The following CSMD1 variants were observed in gnomAD, a reference collection of about 807,000 sequenced individuals.
CSMD1 encodes CUB and Sushi multiple domains 1.
In CSMD1, 213 loss-of-function variants were observed where a neutral mutation model predicts 417.5. That is an observed-to-expected ratio of 0.51 (90% confidence interval 0.46 to 0.57). The LOEUF (loss-of-function observed/expected upper bound fraction) is 0.57, where lower values mean the gene tolerates loss of function less well. Among genes scored for constraint, CSMD1 ranks in the 20% least tolerant of loss-of-function variants. CSMD1 has a pLI of 0.00. For missense variants in CSMD1, 6,923 were observed against 4,529.7 expected (o/e 1.53, Z -15.17); for synonymous variants, 2,862 against 1,736.8 (o/e 1.65, Z -16.11).
intron 7 of CSMD1, among the ~76,000 whole-genome samples, chr8:3,688,579 A>C (rs927341901): frequency 6.6e-6 from 1 of 152,228 alleles, no homozygotes; most frequent in Non-Finnish European, 1.5e-5. Context: ...AGCAATGCTC[A>C]TAATTATTAT....
intron 65 of CSMD1, among the ~76,000 whole-genome samples, chr8:2,953,594 T>A (rs1802792439): frequency 6.6e-6 from 1 of 152,200 alleles, no homozygotes. Context: ...GGATACATTT[T>A]GTTATTTAAA....
Position 4,994,761 on chromosome 8 carries a change from G to C in CSMD1, c.-345C>G. The C allele has an allele frequency of 3.9e-6, 1 of 259,468 alleles. No homozygotes were observed. Among genetic ancestry groups the C allele is most frequent in the Non-Finnish European group, 7.3e-6 (1 of 136,838 alleles). 16.1% of individuals were successfully genotyped at this position (259,468 alleles called of 1,614,324 possible). On this transcript the variant is annotated 5_prime_UTR_variant, in exon 1 of 70. Transcript: ENST00000635120. ...CGGGGAGAGGAGCGCGCGCAGCCAG[G>C]AGAGACCTGGAGAGGAGGCAGCTGG...
chr8:3,870,403 T>C (rs527694413), intron 5 of CSMD1, among the ~76,000 whole-genome samples: 13 of 152,314 alleles, frequency 8.5e-5, no homozygotes, highest in South Asian at 2.1e-4. Context: ...GCTATGCACA[T>C]AGCACTCCAT....
intron 2 of CSMD1, among the ~76,000 whole-genome samples, chr8:4,556,866 T>G (rs376296459): frequency 6.6e-6 from 1 of 152,222 alleles, no homozygotes; most frequent in Non-Finnish European, 1.5e-5. Context: ...ATACGTATAA[T>G]GCAATGATTC....
chr8:3,300,654 A>G (rs1804320562), intron 25 of CSMD1, among the ~76,000 whole-genome samples: 2 of 152,128 alleles, frequency 1.3e-5, no homozygotes, highest in African/African-American at 4.8e-5. Flanking sequence ...ATCATTATGT[A>G]CAACATGAAA....
chr8:3,994,946 T>C (rs1337004230), intron 5 of CSMD1, among the ~76,000 whole-genome samples: 2 of 152,120 alleles, frequency 1.3e-5, no homozygotes, highest in African/African-American at 4.8e-5. Context: ...CTCACTCCAC[T>C]CACAGTCACT....
chr8:3,236,544 G>C (rs1290739753), intron 26 of CSMD1, among the ~76,000 whole-genome samples: 2 of 152,130 alleles, frequency 1.3e-5, no homozygotes, highest in Non-Finnish European at 2.9e-5. Flanking sequence ...ATGCAAAGAT[G>C]TTTTCTGTTA....
intron 7 of CSMD1, among the ~76,000 whole-genome samples, chr8:3,621,276 C>T (rs79338248): frequency 8.5e-5 from 13 of 152,090 alleles, no homozygotes; most frequent in African/African-American, 3.1e-4. Context: ...CATAGGTTGG[C>T]AGGAGGCGTT....
At position 3,370,672 on chromosome 8, in the gene CSMD1, C is replaced by T. The variant is rs553349039; in HGVS notation, c.2783-1302G>A. Among the ~76,000 whole-genome samples, 21 of 152,196 alleles carry T rather than the reference C, an allele frequency of 1.4e-4. No individual in the cohort carries two copies. The South Asian group carries it at 2.5e-3, about 18-fold the overall frequency. On this transcript the variant is annotated intron_variant, in intron 18 of 69. Transcript: ENST00000635120. ...CATTCAATCTGCTGAGGGCTGGAAC[C>T]GAATAAAAAGGCAGAGAAAAGGCTG...
chr8:4,231,074 G>A (rs1281750790), intron 3 of CSMD1, among the ~76,000 whole-genome samples: 1 of 152,102 alleles, frequency 6.6e-6, no homozygotes, highest in African/African-American at 2.4e-5. Context: ...GTTTTTACAA[G>A]GGTTATCCTA....
At chr8:3,432,960 T>C (rs1465498644) in intron 12 of CSMD1, among the ~76,000 whole-genome samples, 3 of 152,078 alleles carry the variant, frequency 2.0e-5, no homozygotes, top group African/African-American at 7.2e-5. Flanking sequence ...AATGGGGGGG[T>C]TACAGTCAGG....
At chr8:4,215,350 C>A (rs1042409683) in intron 3 of CSMD1, among the ~76,000 whole-genome samples, 1 of 152,190 alleles carries the variant, frequency 6.6e-6, no homozygotes, top group Non-Finnish European at 1.5e-5. Flanking sequence ...ACAGATGGCA[C>A]TTCCTTTCTT....
rs138664992 is a variant in CSMD1 at position 4,738,177 on chromosome 8, G to C, written c.86-100619C>G. 3.7e-3 allele frequency among the ~76,000 whole-genome samples: 559 copies of C among 152,280 alleles called. 2 individuals carry two copies. Among genetic ancestry groups the C allele is most frequent in the African/African-American group, 0.013 (541 of 41,562 alleles). ...AATATCAGGTTAGTTTATTTGGTTT[G>C]ATAGACTTTCAAATAGTCCGTTTTT... On this transcript the variant is annotated intron_variant, in intron 1 of 69. Transcript: ENST00000635120.
intron 23 of CSMD1, among the ~76,000 whole-genome samples, chr8:3,323,163 A>G (rs1033780010): frequency 2.6e-5 from 4 of 152,164 alleles, no homozygotes; most frequent in Non-Finnish European, 5.9e-5. Flanking sequence ...ATGATGTCCA[A>G]TGGGCAACTT....
chr8:4,327,993 A>C (rs1200349077), intron 3 of CSMD1, among the ~76,000 whole-genome samples: 2 of 152,214 alleles, frequency 1.3e-5, no homozygotes. Context: ...TTTACCAGTA[A>C]ACTTTATTCA....
rs536078149 is a variant in CSMD1, at chr8:3,425,502, C to T, written c.1562-15897G>A. ...ACTTGGGAGGCTGAGGCAGGAGAAC[C>T]GCTTGAACCCAGGAGGTGGAGGTTG... is the stretch of plus-strand genomic sequence containing the variant. On this transcript the variant is annotated intron_variant, in intron 12 of 69. Transcript: ENST00000635120. 1.3e-4 allele frequency among the ~76,000 whole-genome samples: 19 copies of T among 149,750 alleles called. No homozygotes were observed. In the East Asian group the frequency reaches 2.0e-3, roughly 16 times the overall value.
At chr8:4,569,959 G>A (rs1442857555) in intron 2 of CSMD1, among the ~76,000 whole-genome samples, 1 of 152,272 alleles carries the variant, frequency 6.6e-6, no homozygotes, top group African/African-American at 2.4e-5. Flanking sequence ...TGGTGTATAG[G>A]AATGCTTGTG....
At chr8:3,046,918 T>C (rs903315029) in intron 50 of CSMD1, among the ~76,000 whole-genome samples, 2 of 152,208 alleles carry the variant, frequency 1.3e-5, no homozygotes, top group Non-Finnish European at 2.9e-5. Flanking sequence ...CTAGAGTGAC[T>C]CTTCAAAGAG....
At chr8:3,105,559 T>A (rs1816076792) in intron 46 of CSMD1, among the ~76,000 whole-genome samples, 2 of 152,228 alleles carry the variant, frequency 1.3e-5, no homozygotes, top group Non-Finnish European at 2.9e-5. Flanking sequence ...CTACTTGTCT[T>A]CTAATAGATT....
Sources: gnomAD v4.1 joint callset for allele counts (sites outside exome capture counted in the v4.1 genomes callset) on GRCh38, gnomAD v4.1.1 for gene constraint, MANE v1.5 for transcripts, NCBI Gene and HGNC (gene_info 2026-07-23, HGNC 2026-07-21) for gene names.